Variants in DNAAF5 observed in about 807,000 individuals in gnomAD.
The protein encoded by DNAAF5 is HEAT repeat containing 2.
A neutral mutation model predicts 75.8 loss-of-function variants in DNAAF5; 64 were observed. That is an observed-to-expected ratio of 0.84 (90% CI 0.69 to 1.04). The LOEUF (loss-of-function observed/expected upper bound fraction) is 1.04, where lower values mean the gene tolerates loss of function less well. Among genes scored for constraint, DNAAF5 ranks in the 50% least tolerant of loss-of-function variants. The probability of loss-of-function intolerance (pLI) is 0.00; values close to 1 mark genes in which losing one functional copy is unlikely to be tolerated. For missense variants in DNAAF5, 1,269 were observed against 1,178.5 expected, an observed-to-expected ratio of 1.08 and a Z score of -1.12; for synonymous variants, 657 against 557.2, an observed-to-expected ratio of 1.18 and a Z score of -2.52.
chr7:736,891 C>T (rs909358954), intron 2 of DNAAF5, among the ~76,000 whole-genome samples: 3 of 151,710 alleles, frequency 2.0e-5, no homozygotes, highest in African/African-American at 7.3e-5. Context: ...TTTGAAGTTA[C>T]CATGAGGCTT....
intron 5 of DNAAF5, among the ~76,000 whole-genome samples, chr7:756,251 A>G (rs1265799866): frequency 1.5e-5 from 2 of 135,240 alleles, no homozygotes; most frequent in African/African-American, 2.9e-5. Flanking sequence ...GTGGAATCCC[A>G]TGGTGCAGAG....
chr7:781,534 A>G (rs1042489890), intron 12 of DNAAF5, among the ~76,000 whole-genome samples: 1 of 152,078 alleles, frequency 6.6e-6, no homozygotes, highest in African/African-American at 2.4e-5. Flanking sequence ...GTATTTGCCC[A>G]GAAGTGGGAT....
rs779352236 is a variant in DNAAF5, at chr7:740,829, C to T, written c.791C>T (p.Ala264Val). The T allele has an allele frequency of 8.7e-6, 14 of 1,613,782 alleles. No homozygotes were observed. The highest frequency in any genetic ancestry group is 3.3e-5 in the South Asian group (3 of 91,080). ...LFDDVPQVRR[A>V]VASVVGGWLL... ...TCCTCTCATGCGCAGGTCCGGCGGG[C>T]GGTGGCCTCCGTGGTGGGCGGCTGG... The change falls in exon 3 of 13, where the codon GCG becomes GTG. Residue 264 changes from alanine (A) to valine (V), a missense_variant. Transcript: ENST00000297440.
chr7:770,543 C>G lies in DNAAF5; in HGVS notation c.1856C>G (p.Pro619Arg), dbSNP rs755871359. The change falls in exon 9 of 13, where the codon CCG becomes CGG. Residue 619 changes from proline (P) to arginine (R), a missense_variant. Transcript: ENST00000297440. ...LRACLQPSQD[P>R]QMRLKLFSIL... ...GCCTGTCTGCAGCCCTCCCAAGACC[C>G]GCAGATGCGCCTGAAGCTGTTCTCC... 1 of 1,613,844 alleles carries G rather than the reference C, an allele frequency of 6.2e-7. No individual in the cohort carries two copies. The highest frequency in any genetic ancestry group is 8.5e-7 in the Non-Finnish European group (1 of 1,180,004).
intron 4 of DNAAF5, among the ~76,000 whole-genome samples, chr7:750,428 G>T (rs1466880753): frequency 1.3e-5 from 2 of 152,202 alleles, no homozygotes; most frequent in African/African-American, 4.8e-5. Flanking sequence ...TTGGCACCAG[G>T]GACTGGTTTT....
At chr7:740,394 G>A (rs1781866706) in intron 2 of DNAAF5, among the ~76,000 whole-genome samples, 1 of 152,200 alleles carries the variant, frequency 6.6e-6, no homozygotes, top group Admixed American at 6.5e-5. Context: ...CACCACACTT[G>A]CTGTAGCCAC....
At chr7:739,378 C>T (rs1317055066) in intron 2 of DNAAF5, among the ~76,000 whole-genome samples, 1 of 152,210 alleles carries the variant, frequency 6.6e-6, no homozygotes, top group East Asian at 1.9e-4. Context: ...TGCTCGAGAC[C>T]TGCCGGCGCC....
intron 11 of DNAAF5, 96 bp from the exon 12 acceptor site, chr7:779,857 G>A (rs1279863765): frequency 3.0e-6 from 3 of 1,014,396 alleles, no homozygotes; most frequent in African/African-American, 1.6e-5. Context: ...CCCAGGGCAG[G>A]TGTCCCATGG....
rs1275306862 is a variant in DNAAF5 at position 754,935 on chromosome 7, C to A, written c.1257+114C>A. 2.5e-6 allele frequency: 2 copies of A among 801,764 alleles called. No homozygotes were observed. Among genetic ancestry groups the A allele is most frequent in the Non-Finnish European group, 3.9e-6 (2 of 516,440 alleles). 49.7% of individuals were successfully genotyped at this position (801,764 alleles called of 1,614,324 possible). Reference sequence around the variant, plus strand: ...TGTAGCCAAGACAGCGTTCCCCTCACCCCCGGGCCGCAGGCCCTCCCCACA... The same window carrying A: ...TGTAGCCAAGACAGCGTTCCCCTCAACCCCGGGCCGCAGGCCCTCCCCACA... On this transcript the variant is annotated intron_variant, in intron 5 of 12. Transcript: ENST00000297440. The surrounding 1 kb of genome is among the most constrained non-coding windows in gnomAD (Gnocchi z 4.8).
At chr7:755,176 A>G (rs62432240) in intron 5 of DNAAF5, among the ~76,000 whole-genome samples, 130,445 of 152,232 alleles carry the variant, frequency 0.86, 56,056 homozygotes, top group Middle Eastern at 0.92. Context: ...TGACATCTGG[A>G]CTGTCCTGAG....
intron 6 of DNAAF5, among the ~76,000 whole-genome samples, chr7:759,636 T>C (rs1248252378): frequency 1.3e-5 from 2 of 152,232 alleles, no homozygotes; most frequent in African/African-American, 4.8e-5. Flanking sequence ...TCGTTCTGTG[T>C]GTGTGCGTTG....
In DNAAF5 at chr7:740,823, G is replaced by C; in HGVS notation, c.785G>C (p.Arg262Pro). 2 of 1,613,718 alleles carry C rather than the reference G, an allele frequency of 1.2e-6. No homozygotes were observed. The highest frequency in any genetic ancestry group is 4.5e-5 in the East Asian group (2 of 44,880). The change falls in exon 3 of 13, where the codon CGG becomes CCG. Residue 262 changes from arginine to proline, a missense_variant. Physicochemically the swap from Arg to Pro is moderately radical, Grantham distance 103. Coordinates refer to ENST00000297440, the MANE Select transcript of DNAAF5 (RefSeq NM_017802.4). ...ATCCCTTCCTCTCATGCGCAGGTCC[G>C]GCGGGCGGTGGCCTCCGTGGTGGGC... ...QRLFDDVPQV[R>P]RAVASVVGGW...
At chr7:730,129 G>A (rs576016969) in intron 2 of DNAAF5, among the ~76,000 whole-genome samples, 1 of 152,326 alleles carries the variant, frequency 6.6e-6, no homozygotes, top group East Asian at 1.9e-4. Flanking sequence ...AGTTGCAGAA[G>A]GTTCCTTAGT....
At chr7:739,890 C>T (rs4725074) in intron 2 of DNAAF5, among the ~76,000 whole-genome samples, 21,117 of 152,166 alleles carry the variant, frequency 0.14, 1,676 homozygotes, top group East Asian at 0.27. Context: ...AGCTGCTGCT[C>T]GGGTCCCCTG....
chr7:736,763 TG>T (rs1781751578), intron 2 of DNAAF5, among the ~76,000 whole-genome samples: 1 of 152,170 alleles, frequency 6.6e-6, no homozygotes, highest in Non-Finnish European at 1.5e-5. Flanking sequence ...GGTTGTTTCG[TG>T]GTCTGCTCTT....
intron 9 of DNAAF5, among the ~76,000 whole-genome samples, chr7:773,664 G>T (rs537562229): frequency 6.6e-4 from 100 of 152,298 alleles, no homozygotes; most frequent in Middle Eastern, 3.4e-3. Context: ...ATGGGAAAGG[G>T]GCTCACTGGG....
At position 726,856 on chromosome 7, in the gene DNAAF5, C is replaced by G; in HGVS notation, c.136C>G (p.Arg46Gly). 1.5e-6 allele frequency: 2 copies of G among 1,317,942 alleles called. No homozygotes were observed. Among genetic ancestry groups the G allele is most frequent in the Non-Finnish European group, 1.9e-6 (2 of 1,036,702 alleles). The allele number at this position is 1,317,942 out of a possible 1,614,324, so 81.6% of individuals were successfully genotyped here. A position where few individuals can be genotyped will look rare whatever the true frequency, so the allele number is the denominator to read the frequency against. The change falls in exon 1 of 13, where the codon CGG becomes GGG. Residue 46 changes from arginine to glycine, a missense_variant. Physicochemically the swap from Arg to Gly is moderately radical, Grantham distance 125. Transcript: ENST00000297440. ...GCTGGAGGCCGACAGCAAGCCGGGC[C>G]GGCGGCGCGCCTTGGAGGCCCTGCG... is the stretch of plus-strand genomic sequence containing the variant. Reference protein sequence around the residue: ...PGLEADSKPGRRRALEALRRA... With the variant: ...PGLEADSKPGGRRALEALRRA...
chr7:778,136 T>G (rs925715041), intron 11 of DNAAF5: 3 of 152,330 alleles, frequency 2.0e-5, no homozygotes, highest in Non-Finnish European at 1.5e-5. Context: ...TTTTATTCTT[T>G]AGTAACAAAC....
intron 12 of DNAAF5, among the ~76,000 whole-genome samples, chr7:784,356 C>A (rs965042353): frequency 6.6e-6 from 1 of 152,232 alleles, no homozygotes; most frequent in African/African-American, 2.4e-5. Flanking sequence ...CGCTACCCCC[C>A]TCCCTGACTG....
Sources: gnomAD v4.1 joint callset for allele counts (sites outside exome capture counted in the v4.1 genomes callset) on GRCh38, gnomAD v4.1.1 for gene constraint, Gnocchi (gnomAD v3.1) non-coding constraint, MANE v1.5 for transcripts, NCBI Gene and HGNC (gene_info 2026-07-23, HGNC 2026-07-21) for gene names.